The following B3GALT1 variants were observed in gnomAD, a reference collection of about 807,000 sequenced individuals.
The protein encoded by B3GALT1 is UDP-Gal:betaGlcNAc beta 1,3-galactosyltransferase, polypeptide 1.
B3GALT1 carries 10 observed loss-of-function variants against 23.2 expected under a neutral mutation model. The observed-to-expected ratio is 0.43, with a 90% CI of 0.27 to 0.73. B3GALT1 has a LOEUF of 0.73. Among genes scored for constraint, B3GALT1 ranks in the 30% least tolerant of loss-of-function variants. B3GALT1 has a pLI of 0.21. For synonymous variants in B3GALT1, 156 were observed against 141.5 expected, an observed-to-expected ratio of 1.10 and a Z score of -0.73; for missense variants, 299 against 405.4, an observed-to-expected ratio of 0.74 and a Z score of 2.25.
At chr2:167,703,072 A>G (rs912853865) in intron 3 of B3GALT1, among the ~76,000 whole-genome samples, 1 of 152,198 alleles carries the variant, frequency 6.6e-6, no homozygotes, top group Non-Finnish European at 1.5e-5. Context: ...TTAGGGCATC[A>G]GGGGGACAAT....
intron 1 of B3GALT1, among the ~76,000 whole-genome samples, chr2:167,443,292 T>C (rs1405645269): frequency 1.3e-5 from 2 of 152,208 alleles, no homozygotes; most frequent in East Asian, 3.8e-4. Flanking sequence ...GTAGTATAGT[T>C]TGAAGTCAGG....
chr2:167,427,037 G>T (rs920059309), intron 1 of B3GALT1, among the ~76,000 whole-genome samples: 4 of 152,182 alleles, frequency 2.6e-5, no homozygotes, highest in African/African-American at 9.7e-5. Flanking sequence ...GAAAGTTAAA[G>T]AACCATTATG....
Position 167,634,691 on chromosome 2 carries a change from A to G in B3GALT1, c.-409-12218A>G, listed in dbSNP as rs374355565. Among the ~76,000 whole-genome samples the G allele has an allele frequency of 3.5e-4, 53 of 152,204 alleles. 1 individual carries two copies. Among genetic ancestry groups the G allele is most frequent in the African/African-American group, 1.1e-3 (46 of 41,552 alleles). On this transcript the variant is annotated intron_variant, in intron 2 of 4. Coordinates refer to ENST00000392690, the MANE Select transcript of B3GALT1 (RefSeq NM_020981.4). ...TGAATAGACCAATTACAAGTTCTGA[A>G]ATTGGGGCAGCAATTAATAGCCTAC...
chr2:167,782,405 G>A (rs1688260855), intron 3 of B3GALT1, among the ~76,000 whole-genome samples: 1 of 152,274 alleles, frequency 6.6e-6, no homozygotes, highest in East Asian at 1.9e-4. Flanking sequence ...CAGCAAAGGG[G>A]CCAGGAGTCA....
At position 167,871,199 on chromosome 2, in the gene B3GALT1, C is replaced by G. The variant is rs542306245; in HGVS notation, c.*1179C>G. Reference sequence around the variant, plus strand: ...CTTATTGGGCCATATGAGTAGGCATCGTAATCTTGTGCTTCAATGTGTTCA... The same window carrying G: ...CTTATTGGGCCATATGAGTAGGCATGGTAATCTTGTGCTTCAATGTGTTCA... On this transcript the variant is annotated 3_prime_UTR_variant, in exon 5 of 5. Coordinates refer to ENST00000392690, the MANE Select transcript of B3GALT1 (RefSeq NM_020981.4). 6.6e-6 allele frequency: 1 copy of G among 152,096 alleles called. No individual in the cohort carries two copies. Among genetic ancestry groups the G allele is most frequent in the African/African-American group, 2.4e-5 (1 of 41,430 alleles). 9.4% of individuals were successfully genotyped at this position (152,096 alleles called of 1,614,324 possible).
At chr2:167,364,097 G>A (rs1697545445) in intron 1 of B3GALT1, among the ~76,000 whole-genome samples, 1 of 147,428 alleles carries the variant, frequency 6.8e-6, no homozygotes, top group Non-Finnish European at 1.5e-5. Flanking sequence ...CCAGGAGATG[G>A]AGGTTGCAGT....
chr2:167,747,094 A>G (rs749367283), intron 3 of B3GALT1, among the ~76,000 whole-genome samples: 1 of 152,080 alleles, frequency 6.6e-6, no homozygotes, highest in Non-Finnish European at 1.5e-5. Context: ...TCCCTTTTAT[A>G]ATGAGTTCAG....
chr2:167,752,630 G>GCCA (rs1687756517), intron 3 of B3GALT1, among the ~76,000 whole-genome samples: 1 of 136,784 alleles, frequency 7.3e-6, no homozygotes, highest in Non-Finnish European at 1.5e-5. Flanking sequence ...ACAGTTAGTG[G>GCCA]CTTCTCTAGA....
At chr2:167,717,549 A>G (rs1436028560) in intron 3 of B3GALT1, among the ~76,000 whole-genome samples, 1 of 152,102 alleles carries the variant, frequency 6.6e-6, no homozygotes, top group Non-Finnish European at 1.5e-5. Flanking sequence ...ACCTGTCCTC[A>G]TAATTGTCAT....
intron 3 of B3GALT1, chr2:167,714,032 G>T (rs570547027): frequency 1.3e-6 from 2 of 1,540,030 alleles, no homozygotes; most frequent in Non-Finnish European, 1.8e-6. Context: ...GGCAGGGAGA[G>T]ATGAATCAGG....
chr2:167,713,558 T>A, intron 3 of B3GALT1: 1 of 766,816 alleles, frequency 1.3e-6, no homozygotes. Context: ...TCCATTAAAC[T>A]TCAATTTGAG....
intron 1 of B3GALT1, among the ~76,000 whole-genome samples, chr2:167,313,268 T>C (rs1183924518): frequency 1.3e-5 from 2 of 152,082 alleles, no homozygotes; most frequent in African/African-American, 4.8e-5. Flanking sequence ...CCCTACTTTT[T>C]ATAGAAGAAG....
chr2:167,611,902 G>A (rs1685074295), intron 2 of B3GALT1, among the ~76,000 whole-genome samples: 1 of 152,022 alleles, frequency 6.6e-6, no homozygotes, highest in Non-Finnish European at 1.5e-5. Flanking sequence ...CATTTACAAT[G>A]TGAGAAATAA....
At chr2:167,781,467 A>C (rs1688243793) in intron 3 of B3GALT1, among the ~76,000 whole-genome samples, 1 of 152,162 alleles carries the variant, frequency 6.6e-6, no homozygotes, top group Admixed American at 6.6e-5. Flanking sequence ...GCAATACTAC[A>C]TTTAATAAGG....
At chr2:167,826,426 G>A (rs921381968) in intron 4 of B3GALT1, among the ~76,000 whole-genome samples, 2 of 152,200 alleles carry the variant, frequency 1.3e-5, no homozygotes, top group Non-Finnish European at 2.9e-5. Context: ...GAGGCAACAG[G>A]AGATGGTGGG....
chr2:167,636,688 A>C (rs1162621737), intron 2 of B3GALT1, among the ~76,000 whole-genome samples: 1 of 152,120 alleles, frequency 6.6e-6, no homozygotes, highest in African/African-American at 2.4e-5. Context: ...TTTTGCAGGG[A>C]CATGGATGAA....
intron 1 of B3GALT1, among the ~76,000 whole-genome samples, chr2:167,324,164 G>T (rs544650532): frequency 6.6e-6 from 1 of 152,128 alleles, no homozygotes; most frequent in Admixed American, 6.5e-5. Flanking sequence ...CACTAATATT[G>T]ATTCAAAATG....
In B3GALT1 at chr2:167,596,302, G is replaced by T. The variant is rs562363518; in HGVS notation, c.-409-50607G>T. Among the ~76,000 whole-genome samples the T allele has an allele frequency of 2.2e-4, 33 of 152,250 alleles. 1 individual carries two copies. The highest frequency in any genetic ancestry group is 3.4e-3 in the Middle Eastern group (1 of 292). Reference sequence around the variant, plus strand: ...GGTGCCTTATTTGACTGTGCCTGCTGACTTAACATTGGACTCTAGATATGG... The same window carrying T: ...GGTGCCTTATTTGACTGTGCCTGCTTACTTAACATTGGACTCTAGATATGG... On this transcript the variant is annotated intron_variant, in intron 2 of 4. Coordinates refer to ENST00000392690, the MANE Select transcript of B3GALT1 (RefSeq NM_020981.4).
chr2:167,823,975 A>G (rs1689162063), intron 4 of B3GALT1, among the ~76,000 whole-genome samples: 1 of 152,268 alleles, frequency 6.6e-6, no homozygotes. Flanking sequence ...GAGAAATACT[A>G]TGAGATTGTG....
Sources: gnomAD v4.1 joint callset for allele counts (sites outside exome capture counted in the v4.1 genomes callset) on GRCh38, gnomAD v4.1.1 for gene constraint, MANE v1.5 for transcripts, NCBI Gene and HGNC (gene_info 2026-07-23, HGNC 2026-07-21) for gene names.